The following USP42 variants were observed in gnomAD, a reference collection of about 807,000 sequenced individuals.
The protein encoded by USP42 is ubiquitin carboxyl-terminal hydrolase 42.
In USP42, 23 loss-of-function variants were observed where a neutral mutation model predicts 113.0. The observed-to-expected ratio is 0.20, with a 90% confidence interval of 0.15 to 0.29. USP42 has a LOEUF of 0.29. Ranked by LOEUF, USP42 falls within the 10% of genes least tolerant of loss-of-function variation. The pLI is 1.00. For synonymous variants in USP42, 933 were observed against 699.0 expected (o/e 1.33, Z -5.28); for missense variants, 2,174 against 1,779.8 (o/e 1.22, Z -3.99).
chr7:6,132,374 T>C (rs1780897834), intron 3 of USP42, among the ~76,000 whole-genome samples: 1 of 152,222 alleles, frequency 6.6e-6, no homozygotes, highest in Non-Finnish European at 1.5e-5. Flanking sequence ...TTGTGTTTTT[T>C]TGAGACTGAG....
rs764138389 is a variant in USP42 at position 6,153,877 on chromosome 7, G to A, written c.2323G>A (p.Ala775Thr). Reference sequence around the variant, plus strand: ...CGCCGGCCTCAGCAGCACCAAGAAGGCTCCGCCGCCCCGCGATCCCGGCAC... The same window carrying A: ...CGCCGGCCTCAGCAGCACCAAGAAGACTCCGCCGCCCCGCGATCCCGGCAC... ...AAAGLSSTKKAPPPRDPGTPA... is the reference protein window; with the variant it reads ...AAAGLSSTKKTPPPRDPGTPA... The change falls in exon 15 of 18, where the codon GCT (alanine) becomes ACT (threonine). Residue 775 changes from alanine to threonine, a missense_variant. By Grantham distance (58) the Ala-to-Thr change is moderately conservative. Coordinates refer to ENST00000306177, the MANE Select transcript of USP42 (RefSeq NM_032172.3). 1 of 1,562,866 alleles carries A rather than the reference G, an allele frequency of 6.4e-7. No individual in the cohort carries two copies. The highest frequency in any genetic ancestry group is 1.9e-4 in the Middle Eastern group (1 of 5,246).
At chr7:6,144,276 G>T (rs1481776543) in intron 9 of USP42, 80 bp downstream of exon 9, 1 of 935,412 alleles carries the variant, frequency 1.1e-6, no homozygotes, top group East Asian at 3.0e-5. Context: ...AAGGATTAAG[G>T]ACTCGACTTT....
chr7:6,104,413 G>A (rs914247663), upstream of USP42, among the ~76,000 whole-genome samples: 14 of 152,200 alleles, frequency 9.2e-5, no homozygotes, highest in Non-Finnish European at 1.6e-4. Context: ...AAAAATAAAG[G>A]CTGCGTCCGC....
At position 6,161,083 on chromosome 7, in the gene USP42, G is replaced by C. The variant is rs1414141924; in HGVS notation, c.*565G>C. On this transcript the variant is annotated 3_prime_UTR_variant, in exon 18 of 18. Transcript: ENST00000306177. ...ATTTGAAGATGTATTTTATAGACAA[G>C]TTCTGTTTTTGAACTTTGTGGAACT... is the stretch of plus-strand genomic sequence containing the variant. The C allele has an allele frequency of 6.6e-6, 1 of 152,628 alleles. No homozygotes were observed. The highest frequency in any genetic ancestry group is 2.4e-5 in the African/African-American group (1 of 41,444). 9.5% of individuals were successfully genotyped at this position (152,628 alleles called of 1,614,324 possible). A position where few individuals can be genotyped will look rare whatever the true frequency, so the allele number is the denominator to read the frequency against.
Position 6,140,139 on chromosome 7 carries a change from A to G in USP42, c.668A>G (p.His223Arg), listed in dbSNP as rs990009768. 2 of 1,613,880 alleles carry G rather than the reference A, an allele frequency of 1.2e-6. No homozygotes were observed. Among genetic ancestry groups the G allele is most frequent in the Non-Finnish European group, 1.7e-6 (2 of 1,179,870 alleles). ...TCAACGTTTTTCAGATTAGACAGACACACCCAGGCCACCACTCTTGTTTGT... is the reference window on the plus strand; with the variant it reads ...TCAACGTTTTTCAGATTAGACAGACGCACCCAGGCCACCACTCTTGTTTGT... ...CLNGSNKLDR[H>R]TQATTLVCQI... is the part of the protein sequence containing the mutation. The change falls in exon 6 of 18, where the codon CAC becomes CGC. Residue 223 changes from histidine (H) to arginine (R), a missense_variant. His to Arg is a conservative substitution (Grantham distance 29). Transcript: ENST00000306177.
chr7:6,126,573 C>T (rs1780557588), intron 3 of USP42, among the ~76,000 whole-genome samples: 2 of 152,190 alleles, frequency 1.3e-5, no homozygotes, highest in South Asian at 2.1e-4. Flanking sequence ...GCATGAGCCA[C>T]TGTGCCGGCC....
intron 6 of USP42, among the ~76,000 whole-genome samples, chr7:6,140,565 C>T (rs898301940): frequency 2.0e-5 from 3 of 152,164 alleles, no homozygotes; most frequent in Non-Finnish European, 4.4e-5. Context: ...ATGGAGCATC[C>T]GTGCACACAT....
intron 1 of USP42, among the ~76,000 whole-genome samples, chr7:6,105,532 C>T (rs1779230035): frequency 6.6e-6 from 1 of 150,714 alleles, no homozygotes; most frequent in Non-Finnish European, 1.5e-5. Flanking sequence ...CCGGGCCGGC[C>T]TCCCCGCCCC....
At chr7:6,122,270 C>G (rs1442948081) in intron 3 of USP42, among the ~76,000 whole-genome samples, 1 of 147,844 alleles carries the variant, frequency 6.8e-6, no homozygotes, top group East Asian at 2.0e-4. Flanking sequence ...GTTGATATGT[C>G]ATGTGTCAGT....
intron 1 of USP42, among the ~76,000 whole-genome samples, chr7:6,108,325 G>T (rs1481888848): frequency 6.6e-6 from 1 of 152,036 alleles, no homozygotes; most frequent in African/African-American, 2.4e-5. Flanking sequence ...ATCGTTTGAG[G>T]CCAGGAGTTC....
intron 15 of USP42, 30 bp downstream of exon 15, chr7:6,155,225 C>T (rs1347298295): frequency 2.0e-6 from 3 of 1,496,424 alleles, no homozygotes; most frequent in East Asian, 4.9e-5. Flanking sequence ...CTCCCCGAGG[C>T]GCTGGCGCTG....
the USP42 span, among the ~76,000 whole-genome samples, chr7:6,087,045 C>T: frequency 0.53 from 60,152 of 112,846 alleles, 13,948 homozygotes; most frequent in African/African-American, 0.63. Flanking sequence ...TTTTTTTTTT[C>T]TTTTGAGACA....
chr7:6,089,601 C>T, the USP42 span, among the ~76,000 whole-genome samples: 12 of 148,200 alleles, frequency 8.1e-5, no homozygotes, highest in Non-Finnish European at 1.3e-4. Context: ...GGTGCGATCT[C>T]GGCTCACTGC....
intron 3 of USP42, among the ~76,000 whole-genome samples, chr7:6,128,722 T>G (rs1780676890): frequency 6.6e-6 from 1 of 152,224 alleles, no homozygotes; most frequent in Non-Finnish European, 1.5e-5. Context: ...GTTCTGTTCT[T>G]TTTTATATGT....
At position 6,140,940 on chromosome 7, in the gene USP42, T is replaced by G; in HGVS notation, c.751T>G (p.Ser251Ala). The G allele has an allele frequency of 6.4e-7, 1 of 1,563,932 alleles. No individual in the cohort carries two copies. The highest frequency in any genetic ancestry group is 8.7e-7 in the Non-Finnish European group (1 of 1,149,372). Reference protein sequence around the residue: ...RVKCLNCKGVSDTFDPYLDIT... With the variant: ...RVKCLNCKGVADTFDPYLDIT... ...CAAATGTTTAAATTGCAAGGGCGTT[T>G]CAGATACTTTTGATCCATATCTTGA... The change falls in exon 7 of 18, where the codon TCA becomes GCA. Residue 251 changes from serine (S) to alanine (A), a missense_variant. Physicochemically the swap from Ser to Ala is moderately conservative, Grantham distance 99 (BLOSUM62 1). Coordinates refer to ENST00000306177, the MANE Select transcript of USP42 (RefSeq NM_032172.3).
chr7:6,117,213 C>T (rs1170913712), intron 3 of USP42, among the ~76,000 whole-genome samples: 2 of 152,132 alleles, frequency 1.3e-5, no homozygotes, highest in South Asian at 4.1e-4. Flanking sequence ...CCCCACCCTC[C>T]TGCCCGGCAA....
chr7:6,133,446 A>C (rs901204581), intron 3 of USP42, among the ~76,000 whole-genome samples: 6 of 152,280 alleles, frequency 3.9e-5, no homozygotes, highest in South Asian at 2.1e-4. Flanking sequence ...AATATCTTCA[A>C]GTTCACTAAT....
rs1033965389 is a variant in USP42, at chr7:6,161,018, G to C, written c.*500G>C. 3.9e-5 allele frequency: 6 copies of C among 152,608 alleles called. No homozygotes were observed. The highest frequency in any genetic ancestry group is 1.4e-4 in the African/African-American group (6 of 41,436). 9.5% of individuals were successfully genotyped at this position (152,608 alleles called of 1,614,324 possible). On this transcript the variant is annotated 3_prime_UTR_variant, in exon 18 of 18. Coordinates refer to ENST00000306177, the MANE Select transcript of USP42 (RefSeq NM_032172.3). ...GAGCAGTCTGTTTTCTGTAATGTCT[G>C]ATACTAGAAACTAATTTGCTTATTT...
rs766579689 is a variant in USP42, at chr7:6,142,927, C to T, written c.796-5C>T. 9.3e-6 allele frequency: 15 copies of T among 1,613,700 alleles called. No individual in the cohort carries two copies. Among genetic ancestry groups the T allele is most frequent in the African/African-American group, 4.0e-5 (3 of 74,912 alleles). On this transcript the variant is annotated splice_polypyrimidine_tract_variant and splice_region_variant and intron_variant, in intron 7 of 17. Transcript: ENST00000306177. ...ATGTGGTGTTTGTGCCTCTTCTCTT[C>T]CCAGGCTGCTCAGAGTGTCAACAAG... is the stretch of plus-strand genomic sequence containing the variant.
Sources: gnomAD v4.1 joint callset for allele counts (sites outside exome capture counted in the v4.1 genomes callset) on GRCh38, gnomAD v4.1.1 for gene constraint, MANE v1.5 for transcripts, NCBI Gene and HGNC (gene_info 2026-07-23, HGNC 2026-07-21) for gene names.